Variants in PIK3C2G observed in about 807,000 individuals in gnomAD.
PIK3C2G encodes the protein phosphatidylinositol-4-phosphate 3-kinase catalytic subunit type 2 gamma.
A neutral mutation model predicts 181.1 loss-of-function variants in PIK3C2G; 168 were observed. The observed-to-expected ratio is 0.93, with a 90% CI of 0.82 to 1.05. PIK3C2G has a LOEUF of 1.05. Ranked by LOEUF, PIK3C2G falls within the 50% of genes least tolerant of loss-of-function variation. The pLI is 0.00. For synonymous variants in PIK3C2G, 573 were observed against 592.2 expected, an observed-to-expected ratio of 0.97 and a Z score of 0.47; for missense variants, 1,869 against 1,732.8, an observed-to-expected ratio of 1.08 and a Z score of -1.40.
chr12:18,338,422 A>G lies in PIK3C2G; in HGVS notation c.1273-4A>G. 6.5e-7 allele frequency: 1 copy of G among 1,549,418 alleles called. No homozygotes were observed. Among genetic ancestry groups the G allele is most frequent in the South Asian group, 1.2e-5 (1 of 86,438 alleles). On this transcript the variant is annotated splice_region_variant and splice_polypyrimidine_tract_variant and intron_variant, in intron 8 of 32. Coordinates refer to ENST00000538779, the MANE Select transcript of PIK3C2G (RefSeq NM_001288772.2). ...TTGTAAGATGTGAATCTTGTTATCT[A>G]CAGGAAAACGTGTATAATATTATTG...
intron 31 of PIK3C2G, among the ~76,000 whole-genome samples, chr12:18,640,101 T>C (rs1949777336): frequency 6.6e-6 from 1 of 151,864 alleles, no homozygotes; most frequent in Non-Finnish European, 1.5e-5. Flanking sequence ...TCTCTGCTTG[T>C]GGCTAATATT....
chr12:18,648,184 A>AT lies in PIK3C2G; in HGVS notation c.*160dup, dbSNP rs1214985923. On this transcript the variant is annotated 3_prime_UTR_variant, in exon 33 of 33. Transcript: ENST00000538779. The stretch of plus-strand genomic sequence containing the variant: ...TCAGAATTAGTCTTTTGTGTTGTTT[A>AT]TTTTCTACCTGTGCTTTCATTGTTT... The AT allele has an allele frequency of 2.6e-6, 1 of 385,568 alleles. No homozygotes were observed. The highest frequency in any genetic ancestry group is 2.1e-5 in the African/African-American group (1 of 47,926). 23.9% of individuals were successfully genotyped at this position (385,568 alleles called of 1,614,324 possible).
chr12:18,494,644 A>C (rs2136078334), intron 20 of PIK3C2G, among the ~76,000 whole-genome samples: 1 of 152,216 alleles, frequency 6.6e-6, no homozygotes, highest in South Asian at 2.1e-4. Context: ...ACTTGGGATA[A>C]CTCAAAGAGA....
chr12:18,350,960 T>G (rs12309567), intron 11 of PIK3C2G, among the ~76,000 whole-genome samples: 20,586 of 152,056 alleles, frequency 0.14, 1,692 homozygotes, highest in Non-Finnish European at 0.19. Context: ...ATATAATTAA[T>G]GAGCTTGATC....
the PIK3C2G span, among the ~76,000 whole-genome samples, chr12:18,713,542 G>A: frequency 2.0e-5 from 3 of 152,254 alleles, no homozygotes; most frequent in Non-Finnish European, 4.4e-5. Flanking sequence ...TGGCTACACA[G>A]TATGGAAGCT....
intron 26 of PIK3C2G, among the ~76,000 whole-genome samples, chr12:18,551,290 A>G (rs1259866185): frequency 6.6e-6 from 1 of 152,108 alleles, no homozygotes; most frequent in East Asian, 1.9e-4. Flanking sequence ...GCTAGGCAAC[A>G]AAGGCAGCCA....
At chr12:18,633,761 G>A (rs1472081094) in intron 31 of PIK3C2G, among the ~76,000 whole-genome samples, 1 of 152,178 alleles carries the variant, frequency 6.6e-6, no homozygotes, top group Admixed American at 6.5e-5. Context: ...AGAGCTCAGA[G>A]TGGCTGAGTC....
chr12:18,303,115 C>CTTCTTTCTTTCTCT (rs1950254531), intron 5 of PIK3C2G, among the ~76,000 whole-genome samples: 1 of 136,604 alleles, frequency 7.3e-6, no homozygotes. Flanking sequence ...TCTTTCTTTC[C>CTTCTTTCTTTCTCT]TTCTTTCTTT....
rs1035415398 is a variant in PIK3C2G, at chr12:18,370,015, C to T, written c.1749-1165C>T. Among the ~76,000 whole-genome samples the T allele has an allele frequency of 4.1e-5, 6 of 145,318 alleles. No individual in the cohort carries two copies. In the South Asian group the frequency reaches 6.8e-4, roughly 16 times the overall value. ...GTATAATTGACATATGATCATATAA[C>T]GATCGTATAATTGACATATGATCAT... is the stretch of plus-strand genomic sequence containing the variant. On this transcript the variant is annotated intron_variant, in intron 12 of 32. Transcript: ENST00000538779.
intron 31 of PIK3C2G, among the ~76,000 whole-genome samples, chr12:18,628,597 G>A (rs533663201): frequency 2.8e-4 from 43 of 152,274 alleles, no homozygotes; most frequent in African/African-American, 9.9e-4. Flanking sequence ...TTACTAATAT[G>A]CATCATAGAT....
At chr12:18,306,120 T>C (rs962681983) in intron 5 of PIK3C2G, among the ~76,000 whole-genome samples, 3 of 152,018 alleles carry the variant, frequency 2.0e-5, no homozygotes, top group African/African-American at 4.8e-5. Flanking sequence ...GAAATGCATA[T>C]GTACTATATG....
chr12:18,259,130 C>T (rs1948177760), upstream of PIK3C2G, among the ~76,000 whole-genome samples: 1 of 152,018 alleles, frequency 6.6e-6, no homozygotes, highest in Non-Finnish European at 1.5e-5. Context: ...TGGGAAGTTG[C>T]TCTTGTAATC....
At chr12:18,245,808 T>C (rs1253301589), upstream of PIK3C2G, among the ~76,000 whole-genome samples, 1 of 152,126 alleles carries the variant, frequency 6.6e-6, no homozygotes, top group Non-Finnish European at 1.5e-5. Flanking sequence ...TGTAAGTTTT[T>C]CCATTTCATT....
chr12:18,631,207 A>G (rs1363245864), intron 31 of PIK3C2G, among the ~76,000 whole-genome samples: 1 of 152,192 alleles, frequency 6.6e-6, no homozygotes, highest in East Asian at 1.9e-4. Context: ...TTGATAAGAC[A>G]ACAACATTGG....
intron 26 of PIK3C2G, among the ~76,000 whole-genome samples, chr12:18,559,971 G>T (rs976736821): frequency 6.6e-6 from 1 of 150,480 alleles, no homozygotes; most frequent in East Asian, 2.0e-4. Context: ...AGCCTCACAA[G>T]TAACTGGGAT....
At chr12:18,346,381 A>C (rs1303772845) in intron 10 of PIK3C2G, among the ~76,000 whole-genome samples, 1 of 152,212 alleles carries the variant, frequency 6.6e-6, no homozygotes, top group Non-Finnish European at 1.5e-5. Flanking sequence ...ATAATTTTTT[A>C]AATTCCAAAT....
At chr12:18,556,667 G>A (rs547294461) in intron 26 of PIK3C2G, among the ~76,000 whole-genome samples, 45 of 152,252 alleles carry the variant, frequency 3.0e-4, no homozygotes, top group Middle Eastern at 6.8e-3. Context: ...ATGAATGGTA[G>A]AGTCTCCATA....
intron 18 of PIK3C2G, among the ~76,000 whole-genome samples, chr12:18,449,473 C>T (rs1190131269): frequency 1.3e-5 from 2 of 151,930 alleles, no homozygotes; most frequent in Admixed American, 6.6e-5. Context: ...CCACAACAGG[C>T]CCCAATGTGT....
At chr12:18,699,403 C>A in the PIK3C2G span, among the ~76,000 whole-genome samples, 1 of 152,166 alleles carries the variant, frequency 6.6e-6, no homozygotes, top group Non-Finnish European at 1.5e-5. Flanking sequence ...TAGAGTGGAT[C>A]ATGCCACTCC....
Sources: allele counts gnomAD v4.1 joint callset (sites outside exome capture counted in the v4.1 genomes callset), GRCh38; gene constraint gnomAD v4.1.1; transcripts MANE v1.5; gene names NCBI Gene and HGNC (gene_info 2026-07-23, HGNC 2026-07-21).